Variants in NELL1 observed in about 807,000 individuals in gnomAD.
NELL1 encodes the protein neural EGFL like 1.
Under a neutral mutation model 107.4 loss-of-function variants are expected in NELL1, and 76 were observed. That is an observed-to-expected ratio of 0.71 (90% confidence interval 0.59 to 0.86). NELL1 has a LOEUF of 0.86. Among genes scored for constraint, NELL1 ranks in the 40% least tolerant of loss-of-function variants. The pLI is 0.00. For synonymous variants in NELL1, 353 were observed against 341.2 expected, an observed-to-expected ratio of 1.03 and a Z score of -0.38; for missense variants, 1,024 against 1,005.5, an observed-to-expected ratio of 1.02 and a Z score of -0.25.
intron 14 of NELL1, among the ~76,000 whole-genome samples, chr11:21,319,759 C>G (rs1414002426): frequency 6.6e-6 from 1 of 151,776 alleles, no homozygotes; most frequent in Non-Finnish European, 1.5e-5. Context: ...ATCATCCTGG[C>G]TAACACGGTG....
At chr11:21,445,006 G>A (rs1853383996) in intron 15 of NELL1, among the ~76,000 whole-genome samples, 1 of 152,062 alleles carries the variant, frequency 6.6e-6, no homozygotes, top group Non-Finnish European at 1.5e-5. Context: ...TTAAACTGAT[G>A]ACAACTTAAC....
chr11:21,207,008 CA>C (rs1165788506), intron 13 of NELL1, among the ~76,000 whole-genome samples: 1 of 152,146 alleles, frequency 6.6e-6, no homozygotes, highest in Non-Finnish European at 1.5e-5. Flanking sequence ...ACATAAAACC[CA>C]AGTTAAAACA....
At chr11:21,385,473 G>GT (rs1410840439) in intron 15 of NELL1, among the ~76,000 whole-genome samples, 2 of 151,782 alleles carry the variant, frequency 1.3e-5, no homozygotes, top group African/African-American at 2.4e-5. Flanking sequence ...TATCCTTGAT[G>GT]TCTCCTTCTC....
At chr11:20,798,788 C>T (rs1857224786) in intron 3 of NELL1, among the ~76,000 whole-genome samples, 1 of 152,322 alleles carries the variant, frequency 6.6e-6, no homozygotes, top group Non-Finnish European at 1.5e-5. Context: ...TGAGACCAGA[C>T]AGGTCCTCCC....
At chr11:20,953,460 A>T (rs1171607986) in intron 11 of NELL1, among the ~76,000 whole-genome samples, 1 of 152,176 alleles carries the variant, frequency 6.6e-6, no homozygotes, top group Non-Finnish European at 1.5e-5. Context: ...TATAAACAAC[A>T]TAAAGTGGGA....
chr11:20,836,842 A>G (rs1233120413), intron 3 of NELL1, among the ~76,000 whole-genome samples: 2 of 152,118 alleles, frequency 1.3e-5, no homozygotes, highest in Non-Finnish European at 2.9e-5. Flanking sequence ...GGAATTTTTT[A>G]GGCAGTGGAA....
chr11:20,991,539 C>G (rs1357759431), intron 12 of NELL1, among the ~76,000 whole-genome samples: 5 of 152,176 alleles, frequency 3.3e-5, no homozygotes, highest in African/African-American at 1.2e-4. Flanking sequence ...GAATTAAAAT[C>G]CAGATTGGTC....
chr11:20,922,558 C>T (rs776380640), intron 7 of NELL1, among the ~76,000 whole-genome samples: 2 of 151,850 alleles, frequency 1.3e-5, no homozygotes, highest in Non-Finnish European at 1.5e-5. Flanking sequence ...TTCTATGGCA[C>T]TAAATTTATC....
intron 13 of NELL1, among the ~76,000 whole-genome samples, chr11:21,183,074 AGTCC>A (rs1856862061): frequency 6.6e-6 from 1 of 151,972 alleles, no homozygotes; most frequent in Non-Finnish European, 1.5e-5. Flanking sequence ...TTACAGTTCC[AGTCC>A]CAGCACCACA....
chr11:21,075,592 C>T (rs1258796375), intron 12 of NELL1, among the ~76,000 whole-genome samples: 1 of 152,156 alleles, frequency 6.6e-6, no homozygotes, highest in Non-Finnish European at 1.5e-5. Context: ...GATTCTCCCA[C>T]CTCAGCCTGG....
At chr11:21,563,649 A>G (rs1564962953) in intron 17 of NELL1, among the ~76,000 whole-genome samples, 3 of 152,206 alleles carry the variant, frequency 2.0e-5, no homozygotes, top group South Asian at 2.1e-4. Context: ...GTGGTTTGCA[A>G]TACTATGCAG....
At chr11:20,988,381 A>G (rs919890698) in intron 12 of NELL1, among the ~76,000 whole-genome samples, 1 of 151,460 alleles carries the variant, frequency 6.6e-6, no homozygotes, top group African/African-American at 2.4e-5. Flanking sequence ...ACGTACATAT[A>G]TATGTGTATA....
At chr11:21,304,104 T>C (rs1421441691) in intron 14 of NELL1, among the ~76,000 whole-genome samples, 1 of 151,988 alleles carries the variant, frequency 6.6e-6, no homozygotes, top group Non-Finnish European at 1.5e-5. Context: ...TCAAACCATT[T>C]TGAATGGTCA....
intron 13 of NELL1, among the ~76,000 whole-genome samples, chr11:21,163,309 T>C (rs529919416): frequency 9.7e-4 from 148 of 152,340 alleles, no homozygotes; most frequent in African/African-American, 3.4e-3. Flanking sequence ...ACAATGCTTT[T>C]ACAGTCTTGT....
At chr11:21,243,898 C>T (rs1351524647) in intron 14 of NELL1, among the ~76,000 whole-genome samples, 1 of 152,072 alleles carries the variant, frequency 6.6e-6, no homozygotes, top group Non-Finnish European at 1.5e-5. Flanking sequence ...GGGGTGATCT[C>T]TGGAGAGGCA....
intron 2 of NELL1, among the ~76,000 whole-genome samples, chr11:20,730,382 G>A (rs1391493554): frequency 6.6e-6 from 1 of 151,998 alleles, no homozygotes; most frequent in African/African-American, 2.4e-5. Flanking sequence ...CTGGGGAAAG[G>A]GTCTATTTTT....
intron 13 of NELL1, among the ~76,000 whole-genome samples, chr11:21,152,239 T>C (rs1034613312): frequency 2.0e-5 from 3 of 152,324 alleles, no homozygotes; most frequent in African/African-American, 4.8e-5. Context: ...ATCAGTGTGA[T>C]TGAGTGTGAA....
chr11:21,385,574 C>T (rs538670418), intron 15 of NELL1, among the ~76,000 whole-genome samples: 11 of 151,932 alleles, frequency 7.2e-5, no homozygotes, highest in African/African-American at 1.2e-4. Flanking sequence ...ATTTGTTTTA[C>T]GCCTGAAATG....
At chr11:21,379,690 A>G (rs887095999) in intron 15 of NELL1, among the ~76,000 whole-genome samples, 1 of 152,116 alleles carries the variant, frequency 6.6e-6, no homozygotes, top group African/African-American at 2.4e-5. Context: ...AACCTTTTCT[A>G]AAGGAAAAAT....
Sources: allele counts gnomAD v4.1 joint callset (sites outside exome capture counted in the v4.1 genomes callset), GRCh38; gene constraint gnomAD v4.1.1; transcripts MANE v1.5; gene names NCBI Gene and HGNC (gene_info 2026-07-23, HGNC 2026-07-21).